The following CLGN variants were observed in gnomAD, a reference collection of about 807,000 sequenced individuals.
The protein encoded by CLGN is calmegin, also known as testis tissue sperm-binding protein Li 79P.
A neutral mutation model predicts 79.1 loss-of-function variants in CLGN; 62 were observed. That is an observed-to-expected ratio of 0.78 (90% CI 0.64 to 0.97). The LOEUF is 0.97. Among genes scored for constraint, CLGN ranks in the 50% least tolerant of loss-of-function variants. CLGN has a pLI of 0.00. For synonymous variants in CLGN, 225 were observed against 224.7 expected, an observed-to-expected ratio of 1.00 and a Z score of -0.01; for missense variants, 647 against 715.5, an observed-to-expected ratio of 0.90 and a Z score of 1.09.
At chr4:140,391,972 A>G (rs1180252780) in intron 13 of CLGN, among the ~76,000 whole-genome samples, 3 of 151,916 alleles carry the variant, frequency 2.0e-5, no homozygotes, top group Admixed American at 2.0e-4. Flanking sequence ...TATGGGATTC[A>G]TTAACTGCTA....
At chr4:140,424,613 A>G (rs937768993) in intron 1 of CLGN, among the ~76,000 whole-genome samples, 2 of 152,178 alleles carry the variant, frequency 1.3e-5, no homozygotes. Flanking sequence ...TTTATATGGT[A>G]TAGGGTAGAA....
chr4:140,398,465 C>G (rs938775034), intron 8 of CLGN, among the ~76,000 whole-genome samples: 1 of 151,782 alleles, frequency 6.6e-6, no homozygotes, highest in Non-Finnish European at 1.5e-5. Context: ...GACGGGGTTT[C>G]GCCATGTTGG....
chr4:140,413,779 G>A (rs999479885), intron 1 of CLGN, among the ~76,000 whole-genome samples: 1 of 152,252 alleles, frequency 6.6e-6, no homozygotes, highest in African/African-American at 2.4e-5. Context: ...GAGGCTGGGG[G>A]AGGGGCGCCC....
intron 7 of CLGN, 63 bp downstream of exon 7, chr4:140,400,294 G>T: frequency 2.5e-6 from 3 of 1,211,574 alleles, no homozygotes; most frequent in Non-Finnish European, 3.6e-6. Context: ...TAAAGCACTT[G>T]CCATGAATAC....
Position 140,390,628 on chromosome 4 carries a change from C to A in CLGN, c.1752G>T (p.Glu584Asp). The A allele has an allele frequency of 6.3e-7, 1 of 1,579,462 alleles. No individual in the cohort carries two copies. The highest frequency in any genetic ancestry group is 1.8e-5 in the Admixed American group (1 of 57,062). Residue 584 changes from glutamate to aspartate, a missense_variant and splice_region_variant, in exon 14 of 15, where the codon GAG (glutamate) becomes GAT (aspartate). Glu to Asp is a conservative substitution (Grantham distance 45). Coordinates refer to ENST00000325617, the MANE Select transcript of CLGN (RefSeq NM_004362.3). ...NQSNKSGSED[E>D]MKEADESTGS... ...TAGAAACCAGCTTATTTTCTGTTAC[C>A]TCATCCTCTGACCCAGACTTATTTG... is the stretch of plus-strand genomic sequence containing the variant.
At chr4:140,401,367 C>A (rs541738595) in intron 6 of CLGN, among the ~76,000 whole-genome samples, 3 of 152,106 alleles carry the variant, frequency 2.0e-5, no homozygotes, top group African/African-American at 7.2e-5. Context: ...GAAAAAGTCT[C>A]CCATCTACAT....
chr4:140,421,283 C>T (rs72939868), intron 1 of CLGN, among the ~76,000 whole-genome samples: 13,730 of 152,096 alleles, frequency 0.09, 997 homozygotes, highest in African/African-American at 0.2. Flanking sequence ...AATAACTCTT[C>T]GAGACCTTGT....
chr4:140,424,084 C>G (rs1473554007), intron 1 of CLGN, among the ~76,000 whole-genome samples: 1 of 151,776 alleles, frequency 6.6e-6, no homozygotes, highest in Non-Finnish European at 1.5e-5. Context: ...TGCTCTTTTT[C>G]TAGTTCCTCA....
In CLGN at chr4:140,390,636, C is replaced by T; in HGVS notation, c.1744G>A (p.Glu582Lys). ...ESNQSNKSGS[E>K]DEMKEADEST... ...AGCTTATTTTCTGTTACCTCATCCT[C>T]TGACCCAGACTTATTTGATTGATTA... Residue 582 changes from glutamate (E) to lysine (K), a missense_variant, in exon 14 of 15, where the codon GAG becomes AAG. Coordinates refer to ENST00000325617, the MANE Select transcript of CLGN (RefSeq NM_004362.3). The T allele has an allele frequency of 6.3e-7, 1 of 1,585,994 alleles. No homozygotes were observed. Among genetic ancestry groups the T allele is most frequent in the Non-Finnish European group, 8.6e-7 (1 of 1,164,898 alleles).
In CLGN at chr4:140,396,190, A is replaced by G. The variant is rs777872602; in HGVS notation, c.900T>C (p.Pro300=). 19 of 1,613,938 alleles carry G rather than the reference A, an allele frequency of 1.2e-5. No homozygotes were observed. The highest frequency in any genetic ancestry group is 1.5e-5 in the Non-Finnish European group (18 of 1,179,948). ...VKPEDWDESE[P]AQIEDSSVVK... ...CAACACTTGAATCTTCTATTTGGGCAGGTTCACTTTCATCCCTGTAAATAC... is the reference window on the plus strand; with the variant it reads ...CAACACTTGAATCTTCTATTTGGGCGGGTTCACTTTCATCCCTGTAAATAC... Residue 300 remains proline (P), a synonymous_variant, in exon 9 of 15, where the codon CCT becomes CCC. Coordinates refer to ENST00000325617, the MANE Select transcript of CLGN (RefSeq NM_004362.3).
chr4:140,393,943 C>T lies in CLGN; in HGVS notation c.1248G>A (p.Trp416Ter). 1 of 1,613,596 alleles carries T rather than the reference C, an allele frequency of 6.2e-7. No homozygotes were observed. Among genetic ancestry groups the T allele is most frequent in the Non-Finnish European group, 8.5e-7 (1 of 1,179,714 alleles). ...CAAAGTAGATATCAGAGGTCATAGACCAAAGCTCTAAACCAAGAGCACTGA... is the reference window on the plus strand; with the variant it reads ...CAAAGTAGATATCAGAGGTCATAGATCAAAGCTCTAAACCAAGAGCACTGA... Reference protein sequence around the residue: ...TSFSALGLELWSMTSDIYFDN... With the variant: ...TSFSALGLEL The change falls in exon 11 of 15, where the codon TGG becomes TGA. Residue 416 changes from tryptophan (W) to a stop codon, truncating the protein, a stop_gained. Transcript: ENST00000325617. LOFTEE classifies it high-confidence loss of function.
At position 140,398,918 on chromosome 4, in the gene CLGN, T is replaced by C; in HGVS notation, c.817A>G (p.Lys273Glu). The C allele has an allele frequency of 6.2e-7, 1 of 1,614,036 alleles. No individual in the cohort carries two copies. Among genetic ancestry groups the C allele is most frequent in the Non-Finnish European group, 8.5e-7 (1 of 1,179,952 alleles). ...CTTTCATCCCATTCCTCAGGTTTTT[T>C]ATCATTGGGATCTTCAATTTCTTTG... Reference protein sequence around the residue: ...PPKEIEDPNDKKPEEWDERAK... With the variant: ...PPKEIEDPNDEKPEEWDERAK... The change falls in exon 8 of 15, where the codon AAA (lysine) becomes GAA (glutamate). Residue 273 changes from lysine to glutamate, a missense_variant. By Grantham distance (56) the Lys-to-Glu change is moderately conservative. Transcript: ENST00000325617.
intron 1 of CLGN, 82 bp from the exon 2 acceptor site, chr4:140,413,169 T>G (rs556072425): frequency 2.9e-6 from 3 of 1,023,648 alleles, no homozygotes; most frequent in Non-Finnish European, 4.4e-6. Flanking sequence ...AAATAATTTC[T>G]CCATAATAGC....
chr4:140,408,882 T>TAC lies in CLGN; in HGVS notation c.277+954_277+955insGT, dbSNP rs1319377698. On this transcript the variant is annotated intron_variant, in intron 4 of 14. Transcript: ENST00000325617. ...AAGCATATATATATATATATATATA[T>TAC]ATACACACACACACATATATATACA... Among the ~76,000 whole-genome samples the TAC allele has an allele frequency of 9.8e-3, 1,321 of 134,540 alleles. 21 individuals are homozygous for TAC. Among genetic ancestry groups the TAC allele is most frequent in the African/African-American group, 0.032 (1,225 of 38,498 alleles). 88.3% of individuals were successfully genotyped at this position (134,540 alleles called of 152,430 possible). A position where few individuals can be genotyped will look rare whatever the true frequency, so the allele number is the denominator to read the frequency against.
rs575768191 is a variant in CLGN at position 140,393,988 on chromosome 4, A to G, written c.1203T>C (p.His401=). The G allele has an allele frequency of 3.1e-6, 5 of 1,613,728 alleles. No individual in the cohort carries two copies. In the East Asian group the frequency reaches 1.1e-4, roughly 36 times the overall value. Residue 401 remains histidine (H), a synonymous_variant, in exon 11 of 15, where the codon CAT becomes CAC. Coordinates refer to ENST00000325617, the MANE Select transcript of CLGN (RefSeq NM_004362.3). ...CACTGAAAGAAGTCAGAAGAAATGG[A>G]TGATCATCTTCGAAATAATCTGGAT... ...IPNPDYFEDD[H]PFLLTSFSAL...
intron 8 of CLGN, among the ~76,000 whole-genome samples, chr4:140,396,851 C>G (rs1269173868): frequency 7.2e-6 from 1 of 138,698 alleles, no homozygotes; most frequent in Non-Finnish European, 1.5e-5. Context: ...AGCCACCATG[C>G]CTGGCTGGAG....
rs1021369796 is a variant in CLGN, at chr4:140,409,898, G to A, written c.219-3C>T. 10 of 1,591,308 alleles carry A rather than the reference G, an allele frequency of 6.3e-6. No homozygotes were observed. ...TCTTTGCTTTTGATAAGACCCATCT[G>A]TAAATAAAGTTGAACATACATATAT... On this transcript the variant is annotated splice_region_variant and splice_polypyrimidine_tract_variant and intron_variant, in intron 3 of 14. Coordinates refer to ENST00000325617, the MANE Select transcript of CLGN (RefSeq NM_004362.3).
intron 4 of CLGN, among the ~76,000 whole-genome samples, chr4:140,407,620 TA>T (rs1485229534): frequency 2.0e-5 from 3 of 149,280 alleles, no homozygotes; most frequent in Non-Finnish European, 4.5e-5. Context: ...GGAATATTCT[TA>T]ACAGAGGTGA....
chr4:140,391,633 G>A (rs1332234513), intron 13 of CLGN, among the ~76,000 whole-genome samples: 3 of 151,834 alleles, frequency 2.0e-5, no homozygotes, highest in Non-Finnish European at 4.4e-5. Flanking sequence ...CAAATCAATA[G>A]TTTTATTTCT....
Sources: gnomAD v4.1 joint callset for allele counts (sites outside exome capture counted in the v4.1 genomes callset) on GRCh38, gnomAD v4.1.1 for gene constraint, MANE v1.5 for transcripts, NCBI Gene and HGNC (gene_info 2026-07-23, HGNC 2026-07-21) for gene names.